Variants in VWA8 observed in about 807,000 individuals in gnomAD.
The protein encoded by VWA8 is von Willebrand factor A domain containing 8, also known as von Willebrand factor A domain-containing protein 8.
In VWA8, 221 loss-of-function variants were observed where a neutral mutation model predicts 241.5. That is an observed-to-expected ratio of 0.91 (90% CI 0.82 to 1.02). The LOEUF is 1.02. Ranked by LOEUF, VWA8 falls within the 50% of genes least tolerant of loss-of-function variation. The pLI, the probability that VWA8 is intolerant of heterozygous loss-of-function variation, is 0.00. For synonymous variants in VWA8, 852 were observed against 827.1 expected (o/e 1.03, Z -0.52); for missense variants, 2,322 against 2,328.7 (o/e 1.00, Z 0.06).
chr13:41,699,169 T>C lies in VWA8; in HGVS notation c.3466A>G (p.Ile1156Val). 1 of 1,614,122 alleles carries C rather than the reference T, an allele frequency of 6.2e-7. No homozygotes were observed. The highest frequency in any genetic ancestry group is 8.5e-7 in the Non-Finnish European group (1 of 1,179,992). ...ACGCCATTGGCTGTTCTTGGGAAGA[T>C]ATCAAAAAAGTCCACAAAGAAGCCA... is the stretch of plus-strand genomic sequence containing the variant. Reference protein sequence around the residue: ...KSGFFVDFFDIFPRTANGVWH... With the variant: ...KSGFFVDFFDVFPRTANGVWH... Residue 1156 changes from isoleucine (I) to valine (V), a missense_variant, in exon 29 of 45, where the codon ATC becomes GTC. Coordinates refer to ENST00000379310, the MANE Select transcript of VWA8 (RefSeq NM_015058.2).
intron 20 of VWA8, among the ~76,000 whole-genome samples, chr13:41,762,242 T>C (rs748745090): frequency 1.3e-5 from 2 of 152,148 alleles, no homozygotes; most frequent in Non-Finnish European, 2.9e-5. Context: ...TAAGGGACAC[T>C]TAACCCATAC....
chr13:41,778,175 G>A (rs1477029905), intron 19 of VWA8, 119 bp from the exon 20 acceptor site: 3 of 569,254 alleles, frequency 5.3e-6, no homozygotes, highest in Non-Finnish European at 7.8e-6. Flanking sequence ...ATTATCAATC[G>A]ATTTGATATA....
chr13:41,770,993 G>A (rs925901861), intron 20 of VWA8, among the ~76,000 whole-genome samples: 1 of 150,030 alleles, frequency 6.7e-6, no homozygotes, highest in Non-Finnish European at 1.5e-5. Flanking sequence ...TATTAATTAT[G>A]CCTCATTAAA....
intron 20 of VWA8, among the ~76,000 whole-genome samples, chr13:41,765,864 T>C (rs1203275833): frequency 6.6e-6 from 1 of 152,198 alleles, no homozygotes; most frequent in Non-Finnish European, 1.5e-5. Flanking sequence ...AAATTTGATA[T>C]AGGAGAAGAA....
chr13:41,826,802 A>G (rs1243584515), intron 14 of VWA8, among the ~76,000 whole-genome samples: 2 of 152,148 alleles, frequency 1.3e-5, no homozygotes, highest in Non-Finnish European at 2.9e-5. Context: ...TGAGCTCAGG[A>G]GTTCAAGGCT....
intron 12 of VWA8, among the ~76,000 whole-genome samples, chr13:41,836,452 G>A (rs753554110): frequency 2.0e-5 from 3 of 152,106 alleles, no homozygotes; most frequent in Admixed American, 6.6e-5. Context: ...GAGGAATGTC[G>A]TGACTTCAGC....
At chr13:41,841,108 A>G (rs1871978334) in intron 12 of VWA8, among the ~76,000 whole-genome samples, 1 of 152,222 alleles carries the variant, frequency 6.6e-6, no homozygotes. Context: ...CAGGCAGAGG[A>G]GCCAGATTGT....
At chr13:41,900,267 C>T (rs1341240902) in intron 4 of VWA8, among the ~76,000 whole-genome samples, 2 of 151,984 alleles carry the variant, frequency 1.3e-5, no homozygotes, top group Non-Finnish European at 2.9e-5. Flanking sequence ...TTTTTGAAAT[C>T]TTTCTTAAAA....
chr13:41,640,954 G>A (rs995873924), intron 37 of VWA8, among the ~76,000 whole-genome samples: 37 of 152,086 alleles, frequency 2.4e-4, no homozygotes, highest in African/African-American at 7.7e-4. Context: ...ACACAAAAAC[G>A]AAGAGGATGA....
At chr13:41,684,345 A>AT (rs551025931) in intron 35 of VWA8, among the ~76,000 whole-genome samples, 14 of 150,472 alleles carry the variant, frequency 9.3e-5, no homozygotes, top group Non-Finnish European at 1.8e-4. Context: ...CCACTGTGAC[A>AT]TAAAAAAAAA....
At chr13:41,629,877 T>A (rs1271715136) in intron 37 of VWA8, among the ~76,000 whole-genome samples, 1 of 152,220 alleles carries the variant, frequency 6.6e-6, no homozygotes, top group Non-Finnish European at 1.5e-5. Context: ...AATATTTGCC[T>A]TCAAATACTC....
At chr13:41,708,953 GAA>G (rs1315344793) in intron 26 of VWA8, among the ~76,000 whole-genome samples, 1 of 151,738 alleles carries the variant, frequency 6.6e-6, no homozygotes, top group African/African-American at 2.4e-5. Context: ...ACATTTCACT[GAA>G]AAAAAGTCTT....
intron 17 of VWA8, among the ~76,000 whole-genome samples, chr13:41,809,415 A>G (rs1335502067): frequency 6.6e-6 from 1 of 152,198 alleles, no homozygotes; most frequent in Non-Finnish European, 1.5e-5. Flanking sequence ...TACATAGACC[A>G]ATGGAACAGA....
chr13:41,873,511 A>T (rs963129948), intron 9 of VWA8, among the ~76,000 whole-genome samples: 1 of 152,154 alleles, frequency 6.6e-6, no homozygotes, highest in South Asian at 2.1e-4. Context: ...TATCACCACC[A>T]ATCCCACAGA....
intron 2 of VWA8, among the ~76,000 whole-genome samples, chr13:41,921,548 C>T (rs1373581246): frequency 6.6e-6 from 1 of 152,220 alleles, no homozygotes; most frequent in Non-Finnish European, 1.5e-5. Context: ...CCCATTGTCT[C>T]AGCCCAAAAT....
At chr13:41,945,395 G>C (rs1382278151) in intron 2 of VWA8, among the ~76,000 whole-genome samples, 2 of 151,858 alleles carry the variant, frequency 1.3e-5, no homozygotes, top group Non-Finnish European at 2.9e-5. Flanking sequence ...AGAAATAGGA[G>C]AGTATGGCTC....
chr13:41,918,044 C>T (rs1386099276), intron 2 of VWA8, among the ~76,000 whole-genome samples: 2 of 152,172 alleles, frequency 1.3e-5, no homozygotes, highest in African/African-American at 4.8e-5. Context: ...AAATATTTAG[C>T]ACCAAAGTCC....
At chr13:41,876,371 C>G (rs956108087) in intron 9 of VWA8, among the ~76,000 whole-genome samples, 2 of 152,054 alleles carry the variant, frequency 1.3e-5, no homozygotes, top group African/African-American at 4.8e-5. Context: ...CTCTCCTAAT[C>G]ACCTCTCCTT....
chr13:41,894,520 C>G (rs944911757), intron 4 of VWA8, among the ~76,000 whole-genome samples: 1 of 152,208 alleles, frequency 6.6e-6, no homozygotes, highest in Non-Finnish European at 1.5e-5. Flanking sequence ...ATCTCTACTA[C>G]TAACGAATGA....
Sources: gnomAD v4.1 joint callset for allele counts (sites outside exome capture counted in the v4.1 genomes callset) on GRCh38, gnomAD v4.1.1 for gene constraint, MANE v1.5 for transcripts, NCBI Gene and HGNC (gene_info 2026-07-23, HGNC 2026-07-21) for gene names.